Variants in RETN observed in about 807,000 individuals in gnomAD.
RETN encodes the protein C/EBP-epsilon regulated myeloid-specific secreted cysteine-rich protein precursor 1.
A neutral mutation model predicts 6.1 loss-of-function variants in RETN; 5 were observed. The observed-to-expected ratio is 0.82, with a 90% confidence interval of 0.43 to 1.73. The LOEUF is 1.73. Ranked by LOEUF, RETN falls within the 40% of genes most tolerant of loss-of-function variation. The pLI, the probability that RETN is intolerant of heterozygous loss-of-function variation, is 0.02. For missense variants in RETN, 168 were observed against 142.5 expected (o/e 1.18, Z -0.91); for synonymous variants, 62 against 59.2 (o/e 1.05, Z -0.22).
intron 2 of RETN, among the ~76,000 whole-genome samples, 179 bp from the exon 3 acceptor site, chr19:7,669,642 C>A (rs2032458843): frequency 1.3e-5 from 2 of 152,138 alleles, no homozygotes; most frequent in South Asian, 4.1e-4. Flanking sequence ...AACCCAATCC[C>A]CGCTCTCACT....
intron 2 of RETN, 130 bp from the exon 3 acceptor site, chr19:7,669,691 A>G: frequency 1.2e-6 from 1 of 819,588 alleles, no homozygotes; most frequent in Middle Eastern, 2.5e-4. Flanking sequence ...AACTCAAGAC[A>G]GGGTCCTGGA....
intron 1 of RETN, 96 bp downstream of exon 1, chr19:7,669,217 G>T (rs1021586168): frequency 1.1e-5 from 9 of 818,136 alleles, no homozygotes; most frequent in Middle Eastern, 2.7e-4. Context: ...GGGGGGACAG[G>T]GGTCCAGGTC....
chr19:7,670,111 C>CCGG, intron 3 of RETN, 108 bp from the exon 4 acceptor site: 2 of 614,724 alleles, frequency 3.3e-6, no homozygotes, highest in Admixed American at 2.4e-5. Flanking sequence ...CAGCCGTCCC[C>CCGG]GTCCCCACCC....
At chr19:7,670,174 C>T in intron 3 of RETN, 45 bp from the exon 4 acceptor site, 3 of 1,517,794 alleles carry the variant, frequency 2.0e-6, no homozygotes, top group Non-Finnish European at 2.7e-6. Flanking sequence ...CTCCCACCCT[C>T]AGCCTCCCAG....
chr19:7,670,454 GATGATGA>G (rs1214739013), exon 4 of RETN: 205 of 1,270,148 alleles, frequency 1.6e-4, 1 homozygote, highest in Non-Finnish European at 2.1e-4. Context: ...TGATGATGAT[GATGATGA>G]TGGAGCGGAT....
Position 7,669,453 on chromosome 19 carries a change from C to A in RETN, c.118+9C>A, listed in dbSNP as rs772231434. On this transcript the variant is annotated intron_variant, in intron 2 of 3. Coordinates refer to ENST00000221515, the MANE Select transcript of RETN (RefSeq NM_020415.4). ...GGTCGCCGGCTCCCTAAGTGAGGAC[C>A]CCCCACTTGGGCAAGCTCCCCAAGG... 1.9e-6 allele frequency: 3 copies of A among 1,592,338 alleles called. No individual in the cohort carries two copies. The highest frequency in any genetic ancestry group is 1.3e-5 in the African/African-American group (1 of 74,502).
chr19:7,669,206 TG>T (rs983019832), intron 1 of RETN, 85 bp downstream of exon 1: 3 of 760,158 alleles, frequency 3.9e-6, no homozygotes, highest in Admixed American at 2.1e-5. Context: ...GTCCCCCACA[TG>T]GGGGGACAGG....
In RETN at chr19:7,670,378, G is replaced by T; in HGVS notation, c.*29G>T. ...CGCGCGCAGCGCGTGCACAGCGCGG[G>T]CGGAGGCGGCTCCAGGTCCGGAGGG... On this transcript the variant is annotated 3_prime_UTR_variant, in exon 4 of 4. Transcript: ENST00000221515. 1 of 1,533,436 alleles carries T rather than the reference G, an allele frequency of 6.5e-7. No individual in the cohort carries two copies. Among genetic ancestry groups the T allele is most frequent in the Non-Finnish European group, 8.7e-7 (1 of 1,143,432 alleles). 95.0% of individuals were successfully genotyped at this position (1,533,436 alleles called of 1,614,324 possible). A position where few individuals can be genotyped will look rare whatever the true frequency, so the allele number is the denominator to read the frequency against.
At chr19:7,669,721 C>T (rs1023120058) in intron 2 of RETN, 100 bp from the exon 3 acceptor site, 1 of 1,069,848 alleles carries the variant, frequency 9.3e-7, no homozygotes, top group African/African-American at 1.6e-5. Context: ...GCTCCTATGC[C>T]CACAGGGACC....
chr19:7,670,353 C>A lies in RETN; in HGVS notation c.*4C>A, dbSNP rs1371866618. 9 of 1,545,164 alleles carry A rather than the reference C, an allele frequency of 5.8e-6. No individual in the cohort carries two copies. Among genetic ancestry groups the A allele is most frequent in the Middle Eastern group, 1.7e-4 (1 of 5,814 alleles). ...CTGCTGTCGTGTGCAGCCCTGAGGT[C>A]GCGCGCAGCGCGTGCACAGCGCGGG... On this transcript the variant is annotated 3_prime_UTR_variant, in exon 4 of 4. Coordinates refer to ENST00000221515, the MANE Select transcript of RETN (RefSeq NM_020415.4).
chr19:7,669,774 C>T (rs777733528), intron 2 of RETN, 47 bp from the exon 3 acceptor site: 1 of 1,546,156 alleles, frequency 6.5e-7, no homozygotes, highest in Non-Finnish European at 8.9e-7. Context: ...GGGGAGGGAC[C>T]GTTTGGTCTC....
chr19:7,669,846 C>T lies in RETN; in HGVS notation c.144C>T (p.Gly48=), dbSNP rs1309405355. ...SLIFRAISSI[G]LECQSVTSRG... ...TATTTAGGGCAATAAGCAGCATTGGCCTGGAGTGCCAGAGCGTCACCTCCA... is the reference window on the plus strand; with the variant it reads ...TATTTAGGGCAATAAGCAGCATTGGTCTGGAGTGCCAGAGCGTCACCTCCA... Residue 48 remains glycine (G), a synonymous_variant, in exon 3 of 4, where the codon GGC becomes GGT. Transcript: ENST00000221515. 1 of 1,614,148 alleles carries T rather than the reference C, an allele frequency of 6.2e-7. No homozygotes were observed.
intron 3 of RETN, 74 bp downstream of exon 3, chr19:7,669,972 G>C: frequency 8.5e-7 from 1 of 1,180,270 alleles, no homozygotes; most frequent in Non-Finnish European, 1.3e-6. Flanking sequence ...TCCCCGCCAC[G>C]TTCCCCGTGT....
At position 7,669,424 on chromosome 19, in the gene RETN, A is replaced by G; in HGVS notation, c.98A>G (p.Gln33Arg). 6.2e-7 allele frequency: 1 copy of G among 1,613,868 alleles called. No individual in the cohort carries two copies. The highest frequency in any genetic ancestry group is 8.5e-7 in the Non-Finnish European group (1 of 1,179,838). The change falls in exon 2 of 4, where the codon CAG (glutamine) becomes CGG (arginine). Residue 33 changes from glutamine to arginine, a missense_variant. Transcript: ENST00000221515. The stretch of plus-strand genomic sequence containing the variant: ...GAAGAAGCCATCAATGAGAGGATCC[A>G]GGAGGTCGCCGGCTCCCTAAGTGAG... Reference protein sequence around the residue: ...SMEEAINERIQEVAGSLIFRA... With the variant: ...SMEEAINERIREVAGSLIFRA...
chr19:7,670,057 C>T (rs1482193800), intron 3 of RETN, among the ~76,000 whole-genome samples, 159 bp downstream of exon 3: 1 of 152,018 alleles, frequency 6.6e-6, no homozygotes, highest in Non-Finnish European at 1.5e-5. Flanking sequence ...CTGGTGTCCA[C>T]CCTCACTCCC....
chr19:7,669,685 C>T (rs561189117), intron 2 of RETN, 136 bp from the exon 3 acceptor site: 1 of 811,028 alleles, frequency 1.2e-6, no homozygotes, highest in Admixed American at 2.0e-5. Context: ...ACACCCAACT[C>T]AAGACAGGGT....
intron 2 of RETN, 62 bp from the exon 3 acceptor site, chr19:7,669,759 G>C (rs574392073): frequency 1.1e-4 from 162 of 1,469,532 alleles, no homozygotes; most frequent in Non-Finnish European, 1.5e-4. Context: ...GGCTAGGGGA[G>C]GATGGGGGAG....
chr19:7,669,769 G>C, intron 2 of RETN, 52 bp from the exon 3 acceptor site: 1 of 1,530,938 alleles, frequency 6.5e-7, no homozygotes, highest in Non-Finnish European at 9.0e-7. Flanking sequence ...GGATGGGGGA[G>C]GGACCGTTTG....
chr19:7,669,123 T>A lies in RETN; in HGVS notation c.-11+2T>A. 1 of 526,516 alleles carries A rather than the reference T, an allele frequency of 1.9e-6. No individual in the cohort carries two copies. The highest frequency in any genetic ancestry group is 3.4e-6 in the Non-Finnish European group (1 of 293,288). The allele number at this position is 526,516 out of a possible 1,614,324, so 32.6% of individuals were successfully genotyped here. A position where few individuals can be genotyped will look rare whatever the true frequency, so the allele number is the denominator to read the frequency against. On this transcript the variant is annotated splice_donor_variant, in intron 1 of 3. Coordinates refer to ENST00000221515, the MANE Select transcript of RETN (RefSeq NM_020415.4). LOFTEE classifies it low-confidence loss of function (5UTR_SPLICE). ...TGGTTAGCTGAGCCCACCGAGAGGG[T>A]AAGTGACAGCTGCTCCTGCGCTTGC...
Sources: allele counts gnomAD v4.1 joint callset (sites outside exome capture counted in the v4.1 genomes callset), GRCh38; gene constraint gnomAD v4.1.1; transcripts MANE v1.5; gene names NCBI Gene and HGNC (gene_info 2026-07-23, HGNC 2026-07-21).